Variants in RPS6KA2 observed in about 807,000 individuals in gnomAD.
RPS6KA2 encodes ribosomal protein S6 kinase alpha-2.
In RPS6KA2, 42 loss-of-function variants were observed where a neutral mutation model predicts 91.8. That is an observed-to-expected ratio of 0.46 (90% confidence interval 0.36 to 0.59). The LOEUF (loss-of-function observed/expected upper bound fraction) is 0.59. Among genes scored for constraint, RPS6KA2 ranks in the 20% least tolerant of loss-of-function variants. The pLI is 0.00. For missense variants in RPS6KA2, 798 were observed against 978.5 expected (o/e 0.82, Z 2.46); for synonymous variants, 414 against 393.6 (o/e 1.05, Z -0.61).
At chr6:166,757,584 C>A (rs979676583) in intron 2 of RPS6KA2, 2 of 456,302 alleles carry the variant, frequency 4.4e-6, no homozygotes, top group Non-Finnish European at 8.8e-6. Context: ...TCATGATGCA[C>A]TCCCCAGGTC....
At chr6:166,793,192 A>G in intron 2 of RPS6KA2, among the ~76,000 whole-genome samples, 1 of 152,156 alleles carries the variant, frequency 6.6e-6, no homozygotes, top group Non-Finnish European at 1.5e-5. Flanking sequence ...AATCACAAGC[A>G]GTCTTATACA....
intron 2 of RPS6KA2, among the ~76,000 whole-genome samples, chr6:166,782,332 A>C (rs980802955): frequency 6.6e-6 from 1 of 152,146 alleles, no homozygotes; most frequent in Non-Finnish European, 1.5e-5. Flanking sequence ...ACGTTGCCAA[A>C]TGATGTCCCT....
chr6:166,486,740 C>T (rs778326648), intron 10 of RPS6KA2, among the ~76,000 whole-genome samples: 41 of 152,136 alleles, frequency 2.7e-4, no homozygotes, highest in Non-Finnish European at 3.7e-4. Flanking sequence ...GGTGAGTCTA[C>T]ACTCTCCAGC....
At chr6:166,815,094 C>T (rs1237118577) in intron 2 of RPS6KA2, among the ~76,000 whole-genome samples, 1 of 152,080 alleles carries the variant, frequency 6.6e-6, no homozygotes, top group Non-Finnish European at 1.5e-5. Context: ...TTCTGTGGTA[C>T]AACAAAGAAA....
At chr6:166,527,923 T>C (rs971129075) in intron 3 of RPS6KA2, among the ~76,000 whole-genome samples, 2 of 152,268 alleles carry the variant, frequency 1.3e-5, no homozygotes, top group East Asian at 1.9e-4. Flanking sequence ...GTTGAATAGA[T>C]AGACACTTTA....
rs566156163 is a variant in RPS6KA2 at position 166,576,804 on chromosome 6, A to G, written c.100-38020T>C. On this transcript the variant is annotated intron_variant, in intron 1 of 20. Coordinates refer to ENST00000265678, the MANE Select transcript of RPS6KA2 (RefSeq NM_021135.6). ...CCGGTTGAGGAAATTTGCATAAGTA[A>G]TGAGAAGTTGAATGTTAATCCCCGA... 1.6e-4 allele frequency among the ~76,000 whole-genome samples: 24 copies of G among 152,334 alleles called. 1 individual carries two copies. The South Asian group carries it at 5.0e-3, about 32-fold the overall frequency.
intron 1 of RPS6KA2, among the ~76,000 whole-genome samples, chr6:166,597,103 C>T (rs761257171): frequency 3.9e-5 from 6 of 152,026 alleles, no homozygotes; most frequent in Non-Finnish European, 7.4e-5. Flanking sequence ...TGTTCACCCA[C>T]GAAAACGAGA....
At chr6:166,614,401 C>T (rs909304761) in intron 1 of RPS6KA2, among the ~76,000 whole-genome samples, 1 of 152,196 alleles carries the variant, frequency 6.6e-6, no homozygotes, top group Non-Finnish European at 1.5e-5. Flanking sequence ...GCTGCCCGGC[C>T]CGCTTCCTAC....
Position 166,490,883 on chromosome 6 carries a change from C to T in RPS6KA2, c.748-142G>A, listed in dbSNP as rs773633295. The T allele has an allele frequency of 5.4e-5, 35 of 649,498 alleles. No homozygotes were observed. The highest frequency in any genetic ancestry group is 9.4e-5 in the South Asian group (5 of 53,092). The allele number at this position is 649,498 out of a possible 1,614,324, so 40.2% of individuals were successfully genotyped here. On this transcript the variant is annotated intron_variant, in intron 8 of 20. Transcript: ENST00000265678. The surrounding 1 kb of genome is among the most constrained non-coding windows in gnomAD (Gnocchi z 4.2). ...TCAGTCAATTGTAGCCACTGGCCTA[C>T]GTGCTTGGGGTACAACAGTGACTAA...
At position 166,433,489 on chromosome 6, in the gene RPS6KA2, G is replaced by A. The variant is rs1280447981; in HGVS notation, c.1333-999C>T. On this transcript the variant is annotated intron_variant, in intron 14 of 20. Coordinates refer to ENST00000265678, the MANE Select transcript of RPS6KA2 (RefSeq NM_021135.6). The surrounding 1 kb of genome is among the most constrained non-coding windows in gnomAD (Gnocchi z 4.4). The stretch of plus-strand genomic sequence containing the variant: ...CCCTTGCCGCCCCTGCTGTGGGGAC[G>A]GGACCAGTGGGAGGAGGGCACCACA... Among the ~76,000 whole-genome samples the A allele has an allele frequency of 2.0e-5, 3 of 152,174 alleles. No individual in the cohort carries two copies. Among genetic ancestry groups the A allele is most frequent in the South Asian group, 2.1e-4 (1 of 4,818 alleles).
intron 1 of RPS6KA2, among the ~76,000 whole-genome samples, chr6:166,611,908 T>G (rs974249907): frequency 6.6e-6 from 1 of 152,170 alleles, no homozygotes; most frequent in Non-Finnish European, 1.5e-5. Flanking sequence ...GAAAGTGCCA[T>G]GGGTAGGGCA....
At chr6:166,526,341 CTTTTTTTT>C (rs10616497) in intron 3 of RPS6KA2, among the ~76,000 whole-genome samples, 4,053 of 101,978 alleles carry the variant, frequency 0.04, 154 homozygotes, top group African/African-American at 0.14. Context: ...GTTTATATGG[CTTTTTTTT>C]TTTTTTTTTT....
chr6:166,789,646 G>A (rs962596631), intron 2 of RPS6KA2, among the ~76,000 whole-genome samples: 50 of 152,164 alleles, frequency 3.3e-4, no homozygotes, highest in Admixed American at 9.8e-4. Flanking sequence ...ACACGGCCGG[G>A]TACTCCTCTG....
chr6:166,811,365 A>C (rs1305813331), intron 2 of RPS6KA2, among the ~76,000 whole-genome samples: 1 of 152,204 alleles, frequency 6.6e-6, no homozygotes, highest in Non-Finnish European at 1.5e-5. Context: ...GTTTATCCTA[A>C]GGTCATAATT....
At chr6:166,541,335 C>A (rs541779670) in intron 1 of RPS6KA2, among the ~76,000 whole-genome samples, 4 of 152,362 alleles carry the variant, frequency 2.6e-5, no homozygotes, top group African/African-American at 9.6e-5. Context: ...GGGCACGTTT[C>A]CCAGCCCTTG....
At chr6:166,492,205 T>G (rs1383884709) in intron 8 of RPS6KA2, among the ~76,000 whole-genome samples, 3 of 152,208 alleles carry the variant, frequency 2.0e-5, no homozygotes, top group Admixed American at 2.0e-4. Flanking sequence ...TGAAGCCTGT[T>G]CTGTCACATT....
At chr6:166,453,050 A>C (rs1324378737) in intron 12 of RPS6KA2, among the ~76,000 whole-genome samples, 2 of 151,988 alleles carry the variant, frequency 1.3e-5, no homozygotes, top group Admixed American at 1.3e-4. Flanking sequence ...ATACAAAAAA[A>C]ATTAGCCAGG....
chr6:166,719,054 A>C (rs1790100233), intron 2 of RPS6KA2, among the ~76,000 whole-genome samples: 1 of 152,198 alleles, frequency 6.6e-6, no homozygotes, highest in Non-Finnish European at 1.5e-5. Context: ...CAGGTAGCAA[A>C]CATTTTTGGG....
In RPS6KA2 at chr6:166,558,646, C is replaced by T. The variant is rs959184465; in HGVS notation, c.100-19862G>A. ...AACAGGATGGCGACCATAAGTGGGG[C>T]GGTAAATGTGCTTATAACATCACTG... is the stretch of plus-strand genomic sequence containing the variant. On this transcript the variant is annotated intron_variant, in intron 1 of 20. Coordinates refer to ENST00000265678, the MANE Select transcript of RPS6KA2 (RefSeq NM_021135.6). Among the ~76,000 whole-genome samples, 8 of 152,070 alleles carry T rather than the reference C, an allele frequency of 5.3e-5. No homozygotes were observed. In the East Asian group the frequency reaches 5.8e-4, roughly 11 times the overall value.
Sources: allele counts gnomAD v4.1 joint callset (sites outside exome capture counted in the v4.1 genomes callset), GRCh38; gene constraint gnomAD v4.1.1; non-coding constraint Gnocchi (gnomAD v3.1); transcripts MANE v1.5; gene names NCBI Gene and HGNC (gene_info 2026-07-23, HGNC 2026-07-21).